ECEL1: variants seen among roughly 807,000 people sequenced by gnomAD.
ECEL1 encodes the protein endothelin-converting enzyme-like 1.
ECEL1 carries 87 observed loss-of-function variants against 101.8 expected under a neutral mutation model. The ratio of observed to expected loss-of-function variants is 0.85; its 90% CI spans 0.72 to 1.02. The LOEUF (loss-of-function observed/expected upper bound fraction) is 1.02, where lower values mean the gene tolerates loss of function less well. Among genes scored for constraint, ECEL1 ranks in the 50% least tolerant of loss-of-function variants. The pLI is 0.00. For synonymous variants in ECEL1, 487 were observed against 468.7 expected (o/e 1.04, Z -0.50); for missense variants, 1,032 against 1,079.2 (o/e 0.96, Z 0.61).
chr2:232,483,590 T>TCCTGCCA, intron 7 of ECEL1, 76 bp from the exon 8 acceptor site: 5 of 1,286,498 alleles, frequency 3.9e-6, no homozygotes, highest in Non-Finnish European at 5.3e-6. Flanking sequence ...GGGGTACCCC[T>TCCTGCCA]GCCTTTAAGC....
intron 13 of ECEL1, 22 bp downstream of exon 13, chr2:232,481,760 C>G (rs1431114295): frequency 6.2e-7 from 1 of 1,613,766 alleles, no homozygotes; most frequent in South Asian, 1.1e-5. Context: ...GGGCCATCCC[C>G]TGGGGCCCCA....
intron 14 of ECEL1, 76 bp from the exon 15 acceptor site, chr2:232,481,232 C>A: frequency 6.6e-7 from 1 of 1,514,446 alleles, no homozygotes; most frequent in Non-Finnish European, 8.9e-7. Context: ...CCCTGGGCCC[C>A]AGCCCCTAAT....
chr2:232,482,661 C>G (rs1469799977), intron 10 of ECEL1, 53 bp from the exon 11 acceptor site: 3 of 1,570,994 alleles, frequency 1.9e-6, no homozygotes, highest in Non-Finnish European at 2.6e-6. Context: ...CCCCCGCTAC[C>G]CTCACATCAC....
chr2:232,485,124 G>A (rs1440276796), intron 3 of ECEL1, 33 bp from the exon 4 acceptor site: 1 of 1,611,716 alleles, frequency 6.2e-7, no homozygotes, highest in Non-Finnish European at 8.5e-7. Context: ...CCCAGGGACA[G>A]GGACAGGCCT....
Position 232,486,579 on chromosome 2 carries a change from C to A in ECEL1, c.75G>T (p.Ala25=), listed in dbSNP as rs985763887. The change falls in exon 2 of 18, where the codon GCG becomes GCT. Residue 25 remains alanine, a synonymous_variant. Transcript: ENST00000304546. ...GCAGGGAGGCCCCGCGCGCGCCCCC[C>A]GCGCCGCAGCGGCTCACGTACTTGA... The part of the protein sequence containing the change: ...QEVKYVSRCG[A]GGARGASLPP... 3.6e-6 allele frequency: 5 copies of A among 1,399,200 alleles called. No individual in the cohort carries two copies. The highest frequency in any genetic ancestry group is 1.5e-5 in the African/African-American group (1 of 66,860). 86.7% of individuals were successfully genotyped at this position (1,399,200 alleles called of 1,614,324 possible).
rs1461646299 is a variant in ECEL1 at position 232,483,400 on chromosome 2, C to G, written c.1506+16G>C. 1 of 1,594,572 alleles carries G rather than the reference C, an allele frequency of 6.3e-7. No individual in the cohort carries two copies. The highest frequency in any genetic ancestry group is 2.2e-5 in the East Asian group (1 of 44,766). On this transcript the variant is annotated intron_variant, in intron 8 of 17. Transcript: ENST00000304546. ...ATATATATGGGACCAACCAATGACA[C>G]TGGGTCCCCCCTCACCTTGGCCCGA...
rs747228373 is a variant in ECEL1, at chr2:232,485,098, C to T, written c.856-7G>A. ...CCCTGTATGCTGCCAGGATCTGCACCAGGGGAGGGGGCTCACCCAGGGACA... is the reference window on the plus strand; with the variant it reads ...CCCTGTATGCTGCCAGGATCTGCACTAGGGGAGGGGGCTCACCCAGGGACA... On this transcript the variant is annotated splice_region_variant and splice_polypyrimidine_tract_variant and intron_variant, in intron 3 of 17. Coordinates refer to ENST00000304546, the MANE Select transcript of ECEL1 (RefSeq NM_004826.4). 4 of 1,611,516 alleles carry T rather than the reference C, an allele frequency of 2.5e-6. No homozygotes were observed. The highest frequency in any genetic ancestry group is 1.1e-5 in the South Asian group (1 of 91,086).
chr2:232,486,399 C>T lies in ECEL1; in HGVS notation c.255G>A (p.Leu85=). 6.8e-7 allele frequency: 1 copy of T among 1,478,438 alleles called. No homozygotes were observed. The highest frequency in any genetic ancestry group is 2.4e-4 in the Middle Eastern group (1 of 4,154). The allele number at this position is 1,478,438 out of a possible 1,614,324, so 91.6% of individuals were successfully genotyped here. ...ILAAMLALKY[L]GPVAAGGGAC... ...CGCCGCCGCCGGCCGCGACCGGGCC[C>T]AGGTACTTGAGGGCCAGCATAGCCG... Residue 85 remains leucine, a synonymous_variant, in exon 2 of 18, where the codon CTG becomes CTA. Coordinates refer to ENST00000304546, the MANE Select transcript of ECEL1 (RefSeq NM_004826.4).
At chr2:232,481,197 A>C (rs1382514599) in intron 14 of ECEL1, 41 bp from the exon 15 acceptor site, 19 of 1,547,570 alleles carry the variant, frequency 1.2e-5, no homozygotes, top group Non-Finnish European at 1.6e-5. Context: ...CTTGGGGCCC[A>C]GCTGGCCTCC....
Position 232,483,056 on chromosome 2 carries a change from G to A in ECEL1, c.1581+49C>T, listed in dbSNP as rs13002919. Reference sequence around the variant, plus strand: ...CAGGCCACCTGCCCTCCTGAGTGCCGTTAGTAGAGGGGCTGTGGACAGGCT... The same window carrying A: ...CAGGCCACCTGCCCTCCTGAGTGCCATTAGTAGAGGGGCTGTGGACAGGCT... On this transcript the variant is annotated intron_variant, in intron 9 of 17. Transcript: ENST00000304546. 2,093 of 1,611,840 alleles carry A rather than the reference G, an allele frequency of 1.3e-3. 2 individuals carry two copies. The highest frequency in any genetic ancestry group is 1.7e-3 in the Non-Finnish European group (1,978 of 1,178,694).
Position 232,483,476 on chromosome 2 carries a change from G to A in ECEL1, c.1446C>T (p.Gly482=). 6.2e-7 allele frequency: 1 copy of A among 1,612,306 alleles called. No homozygotes were observed. The highest frequency in any genetic ancestry group is 8.5e-7 in the Non-Finnish European group (1 of 1,179,718). The change falls in exon 8 of 18, where the codon GGC becomes GGT. Residue 482 remains glycine, a synonymous_variant. Coordinates refer to ENST00000304546, the MANE Select transcript of ECEL1 (RefSeq NM_004826.4). The stretch of plus-strand genomic sequence containing the variant: ...TCCAGTCCAGCTCCTCCAGGCGCTG[G>A]CCCAGGATGTACTTGATGTCTTCCA... ...QLVEDIKYIL[G]QRLEELDWMD...
chr2:232,481,507 C>A lies in ECEL1; in HGVS notation c.1988G>T (p.Arg663Leu), dbSNP rs558915148. 3 of 1,607,570 alleles carry A rather than the reference C, an allele frequency of 1.9e-6. No homozygotes were observed. The highest frequency in any genetic ancestry group is 2.2e-5 in the South Asian group (2 of 89,738). The change falls in exon 14 of 18, where the codon CGG (arginine) becomes CTG (leucine). Residue 663 changes from arginine (R) to leucine (L), a missense_variant and splice_region_variant. Arg to Leu is a moderately radical substitution (Grantham distance 102). Coordinates refer to ENST00000304546, the MANE Select transcript of ECEL1 (RefSeq NM_004826.4). ...LYDNFTVYNQ[R>L]VNGKHTLGEN... The stretch of plus-strand genomic sequence containing the variant: ...ACAAGGGGCAGGTGGGGGTCTCACC[C>A]GCTGGTTGTAGACAGTGAAGTTGTC...
In ECEL1 at chr2:232,486,719, C is replaced by A; in HGVS notation, c.-66G>T. Reference sequence around the variant, plus strand: ...CTACGGGATGCGCGTGGCCGCCGGCCTCCTCGTGGGCCTCCGCATGGCCCT... The same window carrying A: ...CTACGGGATGCGCGTGGCCGCCGGCATCCTCGTGGGCCTCCGCATGGCCCT... On this transcript the variant is annotated 5_prime_UTR_variant, in exon 2 of 18. In the 5' UTR this introduces an upstream ATG that the reference lacks. Coordinates refer to ENST00000304546, the MANE Select transcript of ECEL1 (RefSeq NM_004826.4). 7.2e-7 allele frequency: 1 copy of A among 1,385,694 alleles called. No individual in the cohort carries two copies. Among genetic ancestry groups the A allele is most frequent in the Non-Finnish European group, 9.3e-7 (1 of 1,073,624 alleles). 85.8% of individuals were successfully genotyped at this position (1,385,694 alleles called of 1,614,324 possible).
At chr2:232,483,958 T>G in intron 7 of ECEL1, 43 bp downstream of exon 7, 2 of 1,556,236 alleles carry the variant, frequency 1.3e-6, no homozygotes, top group African/African-American at 1.4e-5. Flanking sequence ...GGCTCCACCC[T>G]CAGTTCAGCA....
In ECEL1 at chr2:232,486,113, G is replaced by A; in HGVS notation, c.541C>T (p.Arg181Cys). Reference sequence around the variant, plus strand: ...TCGAGGCACGAGCGGAAGAAGGCGCGCACCTTGCGCTGGGCCGCGCCGCCA... The same window carrying A: ...TCGAGGCACGAGCGGAAGAAGGCGCACACCTTGCGCTGGGCCGCGCCGCCA... Reference protein sequence around the residue: ...GPGGAAQRKVRAFFRSCLDMR... With the variant: ...GPGGAAQRKVCAFFRSCLDMR... The change falls in exon 2 of 18, where the codon CGC (arginine) becomes TGC (cysteine). Residue 181 changes from arginine to cysteine, a missense_variant. Physicochemically the swap from Arg to Cys is radical, Grantham distance 180. Coordinates refer to ENST00000304546, the MANE Select transcript of ECEL1 (RefSeq NM_004826.4). The A allele has an allele frequency of 1.3e-6, 2 of 1,581,936 alleles. No homozygotes were observed. Among genetic ancestry groups the A allele is most frequent in the Non-Finnish European group, 1.7e-6 (2 of 1,166,122 alleles).
intron 7 of ECEL1, 78 bp from the exon 8 acceptor site, chr2:232,483,592 C>T: frequency 8.4e-7 from 1 of 1,195,334 alleles, no homozygotes; most frequent in Non-Finnish European, 1.2e-6. Flanking sequence ...GGTACCCCTG[C>T]CTTTAAGCAC....
chr2:232,486,798 A>G, intron 1 of ECEL1, 44 bp from the exon 2 acceptor site: 2 of 930,374 alleles, frequency 2.1e-6, no homozygotes, highest in Non-Finnish European at 2.9e-6. Flanking sequence ...CCGCAGCCGG[A>G]TGGGGCTCAG....
chr2:232,485,723 T>C, intron 2 of ECEL1, 145 bp downstream of exon 2: 1 of 1,112,630 alleles, frequency 9.0e-7, no homozygotes. Context: ...TCTGCCTCTG[T>C]GCGCTCCCCT....
In ECEL1 at chr2:232,483,485, G is replaced by A; in HGVS notation, c.1437C>T (p.Tyr479=). 1.2e-6 allele frequency: 2 copies of A among 1,612,096 alleles called. No homozygotes were observed. The highest frequency in any genetic ancestry group is 1.7e-6 in the Non-Finnish European group (2 of 1,179,662). The change falls in exon 8 of 18, where the codon TAC becomes TAT. Residue 479 remains tyrosine, a synonymous_variant. Coordinates refer to ENST00000304546, the MANE Select transcript of ECEL1 (RefSeq NM_004826.4). The stretch of plus-strand genomic sequence containing the variant: ...GCTCCTCCAGGCGCTGGCCCAGGAT[G>A]TACTTGATGTCTTCCACTAGCTGCT... ...KVQQLVEDIK[Y]ILGQRLEELD...
Sources: gnomAD v4.1 joint callset for allele counts on GRCh38, gnomAD v4.1.1 for gene constraint, MANE v1.5 for transcripts, NCBI Gene and HGNC (gene_info 2026-07-23, HGNC 2026-07-21) for gene names.